The following CLIP4 variants were observed in gnomAD, a reference collection of about 807,000 sequenced individuals.
CLIP4 encodes the protein CAP-Gly domain containing linker protein family member 4, also known as CAP-Gly domain-containing linker protein 4.
Under a neutral mutation model 73.1 loss-of-function variants are expected in CLIP4, and 47 were observed. The ratio of observed to expected loss-of-function variants is 0.64; its 90% CI spans 0.51 to 0.82. The LOEUF is 0.82. Ranked by LOEUF, CLIP4 falls within the 40% of genes least tolerant of loss-of-function variation. CLIP4 has a pLI of 0.00. For missense variants in CLIP4, 874 were observed against 852.9 expected (o/e 1.02, Z -0.31); for synonymous variants, 306 against 295.4 (o/e 1.04, Z -0.37).
chr2:29,160,560 C>T (rs907755942), intron 12 of CLIP4, 93 bp downstream of exon 12: 1 of 1,426,028 alleles, frequency 7.0e-7, no homozygotes, highest in Admixed American at 2.0e-5. Flanking sequence ...GTAGAGAAAT[C>T]TTGATGAACA....
chr2:29,177,647 T>C (rs948190528), intron 15 of CLIP4, among the ~76,000 whole-genome samples: 1 of 152,210 alleles, frequency 6.6e-6, no homozygotes, highest in Non-Finnish European at 1.5e-5. Flanking sequence ...TGTGTGCCTA[T>C]CTTTCAAGCT....
chr2:29,109,871 G>A (rs370140934), intron 1 of CLIP4, among the ~76,000 whole-genome samples: 7 of 151,980 alleles, frequency 4.6e-5, no homozygotes, highest in South Asian at 2.1e-4. Context: ...CAGCCTGGCC[G>A]TCATAGCGAA....
chr2:29,169,334 TGTGTG>T (rs1667851678), intron 14 of CLIP4, among the ~76,000 whole-genome samples: 1 of 1,882 alleles, frequency 5.3e-4, no homozygotes, highest in Admixed American at 0.012. Context: ...TTTCACTGTG[TGTGTG>T]TGTGTGTGTG....
At chr2:29,119,690 C>CT (rs955271917) in intron 1 of CLIP4, among the ~76,000 whole-genome samples, 2 of 152,166 alleles carry the variant, frequency 1.3e-5, no homozygotes, top group African/African-American at 4.8e-5. Context: ...AGCCTCACCT[C>CT]TGACTGTTTT....
chr2:29,143,186 C>G (rs1665891746), intron 6 of CLIP4, among the ~76,000 whole-genome samples: 1 of 152,208 alleles, frequency 6.6e-6, no homozygotes, highest in African/African-American at 2.4e-5. Flanking sequence ...TTTCTCATGC[C>G]TCTGCGGGCA....
chr2:29,133,582 G>T, intron 4 of CLIP4, 73 bp from the exon 5 acceptor site: 1 of 1,436,066 alleles, frequency 7.0e-7, no homozygotes. Context: ...CTTTTTAAAT[G>T]AGGCAATTGG....
At chr2:29,130,580 A>G in intron 2 of CLIP4, 1 of 1,102,726 alleles carries the variant, frequency 9.1e-7, no homozygotes, top group Non-Finnish European at 1.1e-6. Context: ...TTTGGCTCAG[A>G]GGCCAAGGTT....
intron 4 of CLIP4, 195 bp downstream of exon 4, chr2:29,132,440 G>C: frequency 1.8e-6 from 1 of 549,118 alleles, no homozygotes; most frequent in Non-Finnish European, 3.2e-6. Flanking sequence ...ATACCCTCCT[G>C]ATACCTCTTA....
At chr2:29,097,838 T>C (rs371914341) in exon 1 of CLIP4, 4 of 152,276 alleles carry the variant, frequency 2.6e-5, no homozygotes. Flanking sequence ...CCCATTTCCA[T>C]GCACTCCCAA....
intron 4 of CLIP4, among the ~76,000 whole-genome samples, chr2:29,133,253 A>T (rs1451380988): frequency 6.6e-6 from 1 of 152,202 alleles, no homozygotes; most frequent in Non-Finnish European, 1.5e-5. Context: ...GACATATTAA[A>T]TAGGGAAAAG....
intron 1 of CLIP4, among the ~76,000 whole-genome samples, chr2:29,100,285 T>G (rs1005758950): frequency 6.6e-6 from 1 of 152,152 alleles, no homozygotes; most frequent in African/African-American, 2.4e-5. Flanking sequence ...GCCTTTTTCT[T>G]TCATTGATTT....
intron 1 of CLIP4, among the ~76,000 whole-genome samples, chr2:29,116,444 C>A (rs1229467052): frequency 6.6e-6 from 1 of 152,228 alleles, no homozygotes; most frequent in Non-Finnish European, 1.5e-5. Context: ...AAACGGGCGC[C>A]TTTGAAAGGT....
intron 13 of CLIP4, among the ~76,000 whole-genome samples, chr2:29,164,716 T>A (rs1667495835): frequency 1.3e-5 from 2 of 152,204 alleles, no homozygotes; most frequent in South Asian, 4.1e-4. Flanking sequence ...GGGAGTCTTG[T>A]CTAGTTTTCC....
Position 29,183,011 on chromosome 2 carries a change from A to G in CLIP4, c.*1118A>G, listed in dbSNP as rs1668718037. The G allele has an allele frequency of 6.6e-6, 1 of 152,402 alleles. No homozygotes were observed. Among genetic ancestry groups the G allele is most frequent in the Admixed American group, 6.5e-5 (1 of 15,282 alleles). The allele number at this position is 152,402 out of a possible 1,614,324, so 9.4% of individuals were successfully genotyped here. A position where few individuals can be genotyped will look rare whatever the true frequency, so the allele number is the denominator to read the frequency against. On this transcript the variant is annotated 3_prime_UTR_variant, in exon 16 of 16. Coordinates refer to ENST00000320081, the MANE Select transcript of CLIP4 (RefSeq NM_024692.6). ...CTGTTTTTATTTCTCTAATTGTTGC[A>G]GAGTTCTGCCTGTTACAAAGCTACA...
chr2:29,166,153 C>T lies in CLIP4; in HGVS notation c.1659-1323C>T, dbSNP rs555163687. ...ACAGACATGGTCCCTGATTTTGAGG[C>T]GTTTCTAATCTGAACCAGCTTTGGA... On this transcript the variant is annotated intron_variant, in intron 13 of 15. Transcript: ENST00000320081. Among the ~76,000 whole-genome samples the T allele has an allele frequency of 1.4e-4, 21 of 152,166 alleles. No individual in the cohort carries two copies. In the East Asian group the frequency reaches 2.3e-3, roughly 17 times the overall value.
At chr2:29,166,403 A>T (rs888185359) in intron 13 of CLIP4, among the ~76,000 whole-genome samples, 2 of 151,534 alleles carry the variant, frequency 1.3e-5, no homozygotes, top group East Asian at 3.9e-4. Context: ...GGCTTTCTAC[A>T]CCCGCCTACT....
At chr2:29,163,073 C>T (rs547519927) in intron 12 of CLIP4, among the ~76,000 whole-genome samples, 1 of 151,790 alleles carries the variant, frequency 6.6e-6, no homozygotes, top group Admixed American at 6.6e-5. Flanking sequence ...ATTAGAAAAT[C>T]CTTATTTTAG....
chr2:29,104,979 G>T (rs1280625869), intron 1 of CLIP4, among the ~76,000 whole-genome samples: 1 of 152,134 alleles, frequency 6.6e-6, no homozygotes, highest in African/African-American at 2.4e-5. Context: ...CTGTGTGGCT[G>T]TTGTTTTTTT....
Position 29,156,353 on chromosome 2 carries a change from G to T in CLIP4, c.1166-1G>T. ...TAAAGTGTTTTATTTTTGTGTCCAAGGATTAATGACATCAAAAAAAGATAG... is the reference window on the plus strand; with the variant it reads ...TAAAGTGTTTTATTTTTGTGTCCAATGATTAATGACATCAAAAAAAGATAG... On this transcript the variant is annotated splice_acceptor_variant, in intron 9 of 15. Coordinates refer to ENST00000320081, the MANE Select transcript of CLIP4 (RefSeq NM_024692.6). LOFTEE classifies it high-confidence loss of function. 6.4e-7 allele frequency: 1 copy of T among 1,562,700 alleles called. No homozygotes were observed. Among genetic ancestry groups the T allele is most frequent in the Non-Finnish European group, 8.6e-7 (1 of 1,164,120 alleles).
Sources: gnomAD v4.1 joint callset for allele counts (sites outside exome capture counted in the v4.1 genomes callset) on GRCh38, gnomAD v4.1.1 for gene constraint, MANE v1.5 for transcripts, NCBI Gene and HGNC (gene_info 2026-07-23, HGNC 2026-07-21) for gene names.